MED24: variants seen among roughly 807,000 people sequenced by gnomAD.
MED24 encodes mediator of RNA polymerase II transcription subunit 24.
In MED24, 74 loss-of-function variants were observed where a neutral mutation model predicts 118.8. The ratio of observed to expected loss-of-function variants is 0.62; its 90% CI spans 0.52 to 0.76. The LOEUF is 0.76. MED24 is among the 30% of genes least tolerant of loss of function. The pLI is 0.00. For synonymous variants in MED24, 521 were observed against 523.9 expected (o/e 0.99, Z 0.08); for missense variants, 1,041 against 1,278.9 (o/e 0.81, Z 2.84).
At chr17:40,020,571 T>C in intron 23 of MED24, 1 of 1,017,732 alleles carries the variant, frequency 9.8e-7, no homozygotes, top group Non-Finnish European at 1.4e-6. Context: ...GAGGATCGCT[T>C]GAGTCCAGGA....
At chr17:40,047,101 C>T (rs781679304) in intron 3 of MED24, among the ~76,000 whole-genome samples, 5 of 151,964 alleles carry the variant, frequency 3.3e-5, no homozygotes, top group African/African-American at 4.8e-5. Context: ...CAGAGCAAGA[C>T]CCTGTTTCAA....
intron 12 of MED24, among the ~76,000 whole-genome samples, chr17:40,030,582 C>T (rs990837381): frequency 2.0e-5 from 3 of 152,046 alleles, no homozygotes; most frequent in African/African-American, 4.8e-5. Context: ...TGTGAGCCAC[C>T]GCAGCCGGCC....
At position 40,019,474 on chromosome 17, in the gene MED24, G is replaced by C; in HGVS notation, c.*55C>G. ...TCATCTTTCCTCACTGCTTCCCTTGGAGGCGCCTGGGGCTGCGCCAGTCCC... is the reference window on the plus strand; with the variant it reads ...TCATCTTTCCTCACTGCTTCCCTTGCAGGCGCCTGGGGCTGCGCCAGTCCC... On this transcript the variant is annotated 3_prime_UTR_variant, in exon 26 of 26. Coordinates refer to ENST00000394128, the MANE Select transcript of MED24 (RefSeq NM_014815.4). 6.8e-7 allele frequency: 1 copy of C among 1,464,846 alleles called. No homozygotes were observed. Among genetic ancestry groups the C allele is most frequent in the South Asian group, 1.2e-5 (1 of 86,836 alleles). 90.7% of individuals were successfully genotyped at this position (1,464,846 alleles called of 1,614,324 possible).
rs745859682 is a variant in MED24, at chr17:40,026,283, C to A, written c.1858G>T (p.Ala620Ser). 5 of 1,614,106 alleles carry A rather than the reference C, an allele frequency of 3.1e-6. No homozygotes were observed. Among genetic ancestry groups the A allele is most frequent in the Non-Finnish European group, 4.2e-6 (5 of 1,180,054 alleles). ...ACGTGGGCCACAAGCCAAGCCACAG[C>A]ACACACCGCCAGACTGCATACCTTC... ...KGKVCSLAVC[A>S]VAWLVAHVRM... Residue 620 changes from alanine to serine, a missense_variant, in exon 19 of 26, where the codon GCT becomes TCT. This residue lies in a region of MED24 where 587 missense variants were observed against 694.4 expected (regional missense o/e 0.85). Transcript: ENST00000394128.
At position 40,034,942 on chromosome 17, in the gene MED24, C is replaced by A. The variant is rs1280221530; in HGVS notation, c.559+175G>T. The A allele has an allele frequency of 4.5e-6, 7 of 1,566,984 alleles. No homozygotes were observed. The East Asian group carries it at 1.7e-4, about 38-fold the overall frequency. On this transcript the variant is annotated intron_variant, in intron 6 of 25. Coordinates refer to ENST00000394128, the MANE Select transcript of MED24 (RefSeq NM_014815.4). ...TGTTGGTTGATTGGCTCGGGTGCCA[C>A]CCTGCCCAAGTCCCTGGGATGTGTG... is the stretch of plus-strand genomic sequence containing the variant.
rs1983842809 is a variant in MED24, at chr17:40,035,599, GC to G, written c.326+122del. 4 of 1,028,360 alleles carry G rather than the reference GC, an allele frequency of 3.9e-6. No individual in the cohort carries two copies. In the South Asian group the frequency reaches 6.7e-5, roughly 17 times the overall value. 63.7% of individuals were successfully genotyped at this position (1,028,360 alleles called of 1,614,324 possible). On this transcript the variant is annotated intron_variant, in intron 5 of 25. Coordinates refer to ENST00000394128, the MANE Select transcript of MED24 (RefSeq NM_014815.4). ...GGAGGGCACAGGTAAGTGTAGATGG[GC>G]AGGTGGGGAGAAAAAACGTTGGAAC... is the stretch of plus-strand genomic sequence containing the variant.
At position 40,019,175 on chromosome 17, in the gene MED24, A is replaced by AACACACACACACACACACACAC. The variant is rs59767650; in HGVS notation, c.*332_*353dup. The AACACACACACACACACACACAC allele has an allele frequency of 6.8e-6, 1 of 146,364 alleles. No individual in the cohort carries two copies. Among genetic ancestry groups the AACACACACACACACACACACAC allele is most frequent in the African/African-American group, 3.0e-5 (1 of 32,806 alleles). The allele number at this position is 146,364 out of a possible 1,614,324, so 9.1% of individuals were successfully genotyped here. A position where few individuals can be genotyped will look rare whatever the true frequency, so the allele number is the denominator to read the frequency against. ...CCTCACATATTACAAAATACACACA[A>AACACACACACACACACACACAC]ACACACACACACACACACACACACA... On this transcript the variant is annotated 3_prime_UTR_variant, in exon 26 of 26. Coordinates refer to ENST00000394128, the MANE Select transcript of MED24 (RefSeq NM_014815.4).
chr17:40,024,118 G>A (rs551593069), intron 19 of MED24, among the ~76,000 whole-genome samples: 1 of 152,156 alleles, frequency 6.6e-6, no homozygotes, highest in Non-Finnish European at 1.5e-5. Context: ...GGTAGGGCGG[G>A]GGGGAAGGTG....
intron 3 of MED24, among the ~76,000 whole-genome samples, chr17:40,052,470 A>C (rs1449702407): frequency 2.0e-5 from 3 of 152,080 alleles, no homozygotes; most frequent in Non-Finnish European, 4.4e-5. Context: ...TTACCCACTA[A>C]ATTTTCTGTG....
At chr17:40,022,572 C>G in intron 21 of MED24, 73 bp downstream of exon 21, 2 of 1,602,018 alleles carry the variant, frequency 1.2e-6, no homozygotes, top group Non-Finnish European at 1.7e-6. Context: ...GCCCAGTCTC[C>G]CAGGGTGGCA....
At chr17:40,029,648 G>A in intron 13 of MED24, 100 bp downstream of exon 13, 1 of 1,103,152 alleles carries the variant, frequency 9.1e-7, no homozygotes, top group Non-Finnish European at 1.3e-6. Flanking sequence ...AAAGCTAAAG[G>A]AGACAGAGGT....
intron 19 of MED24, among the ~76,000 whole-genome samples, chr17:40,025,579 G>A (rs1357313216): frequency 1.3e-5 from 2 of 152,202 alleles, no homozygotes; most frequent in Non-Finnish European, 2.9e-5. Flanking sequence ...GAGTTTCAGA[G>A]ATGCAAGAAA....
intron 6 of MED24, among the ~76,000 whole-genome samples, chr17:40,034,013 C>T (rs1983674184): frequency 6.6e-6 from 1 of 152,146 alleles, no homozygotes. Context: ...CCTTTAGCAA[C>T]TCACCCGACT....
At chr17:40,026,353 T>C (rs1248887324) in intron 18 of MED24, 22 bp from the exon 19 acceptor site, 3 of 1,608,160 alleles carry the variant, frequency 1.9e-6, no homozygotes, top group Admixed American at 1.7e-5. Flanking sequence ...GGAAAGGTGA[T>C]GGGCTACCAT....
intron 3 of MED24, among the ~76,000 whole-genome samples, chr17:40,045,605 C>T (rs78289211): frequency 0.015 from 2,358 of 152,202 alleles, 41 homozygotes; most frequent in Non-Finnish European, 0.026. Context: ...AGCAACATGG[C>T]GAAACCGTGT....
At chr17:40,044,782 G>A (rs1984976244) in intron 3 of MED24, among the ~76,000 whole-genome samples, 1 of 151,352 alleles carries the variant, frequency 6.6e-6, no homozygotes, top group South Asian at 2.1e-4. Flanking sequence ...GGGAGGCTGA[G>A]GCAGGAGAAT....
At chr17:40,024,197 C>T (rs1367669201) in intron 19 of MED24, among the ~76,000 whole-genome samples, 4 of 152,138 alleles carry the variant, frequency 2.6e-5, no homozygotes, top group South Asian at 2.1e-4. Context: ...TTTTCCAGAC[C>T]GTCCAAACCT....
chr17:40,023,107 C>T, intron 20 of MED24, 24 bp downstream of exon 20: 1 of 1,601,554 alleles, frequency 6.2e-7, no homozygotes, highest in African/African-American at 1.3e-5. Context: ...CCATGTCGGC[C>T]CACAGCCACT....
chr17:40,027,623 A>T (rs774963420), intron 15 of MED24, 158 bp from the exon 16 acceptor site: 5 of 727,466 alleles, frequency 6.9e-6, no homozygotes, highest in African/African-American at 3.6e-5. Context: ...CTCAACTGGA[A>T]CATCATCCCT....
Sources: allele counts gnomAD v4.1 joint callset (sites outside exome capture counted in the v4.1 genomes callset), GRCh38; gene constraint gnomAD v4.1.1; regional missense constraint gnomAD v4.1.1; transcripts MANE v1.5; gene names NCBI Gene and HGNC (gene_info 2026-07-23, HGNC 2026-07-21).